Variants in CLDN2 observed in about 807,000 individuals in gnomAD.
CLDN2 encodes the protein claudin 2.
A neutral mutation model predicts 8.2 loss-of-function variants in CLDN2; 1 was observed. The ratio of observed to expected loss-of-function variants is 0.12; its 90% confidence interval spans 0.04 to 0.58. The LOEUF is 0.58. CLDN2 is among the 20% of genes least tolerant of loss of function. The pLI is 0.90. For synonymous variants in CLDN2, 70 were observed against 70.2 expected (o/e 1.00, Z 0.01); for missense variants, 108 against 172.9 (o/e 0.62, Z 2.11).
At chrX:106,907,786 C>G (rs1933200305) in intron 1 of CLDN2, among the ~76,000 whole-genome samples, 1 of 110,303 alleles carries the variant, frequency 9.1e-6, no homozygotes, top group Non-Finnish European at 1.9e-5. Flanking sequence ...GCTGTTCCTA[C>G]TTTTTGGTAG....
intron 1 of CLDN2, among the ~76,000 whole-genome samples, chrX:106,927,379 C>G (rs1602462775): frequency 9.0e-6 from 1 of 111,163 alleles, no homozygotes; most frequent in Non-Finnish European, 1.9e-5. Context: ...AGTGCTCCCT[C>G]ATCATCCAAG....
chrX:106,911,120 T>C (rs1933242870), intron 1 of CLDN2, among the ~76,000 whole-genome samples: 1 of 111,949 alleles, frequency 8.9e-6, no homozygotes, highest in Admixed American at 9.4e-5. Flanking sequence ...CTCAATCTTT[T>C]ACCATGCAGG....
At chrX:106,908,817 T>G (rs751202446) in intron 1 of CLDN2, among the ~76,000 whole-genome samples, 11 of 111,656 alleles carry the variant, frequency 9.9e-5, no homozygotes, top group African/African-American at 3.6e-4. Flanking sequence ...ATGAATACAC[T>G]GATACCAAAT....
At chrX:106,903,192 A>G (rs1346708430) in intron 1 of CLDN2, 5 of 1,209,750 alleles carry the variant, frequency 4.1e-6, no homozygotes, top group Admixed American at 2.2e-5. Context: ...TTAACAGGCC[A>G]GGGAGTGCCA....
chrX:106,913,974 A>G (rs773955830), upstream of CLDN2, among the ~76,000 whole-genome samples: 158 of 83,693 alleles, frequency 1.9e-3, 3 homozygotes, highest in African/African-American at 7.5e-3. Context: ...TTTTTTTGAG[A>G]CAGGGTCTCG....
At chrX:106,903,005 G>A in intron 1 of CLDN2, 2 of 672,303 alleles carry the variant, frequency 3.0e-6, no homozygotes, top group Non-Finnish European at 4.6e-6. Context: ...AGTTGAGGAG[G>A]GAGGGCTATG....
chrX:106,911,870 G>T (rs1475811661), intron 1 of CLDN2, among the ~76,000 whole-genome samples: 5 of 111,837 alleles, frequency 4.5e-5, no homozygotes, highest in Admixed American at 2.8e-4. Flanking sequence ...GGGCTCTACG[G>T]TAGGGTGGCA....
intron 1 of CLDN2, among the ~76,000 whole-genome samples, chrX:106,926,669 T>C (rs1272180253): frequency 2.8e-5 from 3 of 107,255 alleles, no homozygotes; most frequent in Non-Finnish European, 5.8e-5. Context: ...TCAAGACCAG[T>C]GTGGGCAACA....
chrX:106,930,275 T>C lies in CLDN2; in HGVS notation c.*1354T>C, dbSNP rs897892712. On this transcript the variant is annotated 3_prime_UTR_variant, in exon 2 of 2. Transcript: ENST00000336803. Reference sequence around the variant, plus strand: ...GTGATAGCTGCACTGCTGCCTGGGATTGCAGCTGAGGTGGGAGTGGAGAAT... The same window carrying C: ...GTGATAGCTGCACTGCTGCCTGGGACTGCAGCTGAGGTGGGAGTGGAGAAT... The C allele has an allele frequency of 6.5e-5, 8 of 122,550 alleles. No homozygotes were observed. Among genetic ancestry groups the C allele is most frequent in the Non-Finnish European group, 1.3e-4 (7 of 53,139 alleles). 10.1% of individuals were successfully genotyped at this position (122,550 alleles called of 1,213,427 possible).
chrX:106,906,142 G>A (rs957054417), intron 1 of CLDN2, among the ~76,000 whole-genome samples: 1 of 111,692 alleles, frequency 9.0e-6, no homozygotes, highest in Non-Finnish European at 1.9e-5. Flanking sequence ...TGGTCAGCAG[G>A]GCAGCAGAAA....
At chrX:106,913,739 G>A (rs1240643652), upstream of CLDN2, among the ~76,000 whole-genome samples, 2 of 110,031 alleles carry the variant, frequency 1.8e-5, no homozygotes, top group East Asian at 2.9e-4. Context: ...CCCCTTCCAA[G>A]TTTACTCAGG....
Position 106,929,078 on chromosome X carries a change from T to C in CLDN2, c.*157T>C, listed in dbSNP as rs374633456. On this transcript the variant is annotated 3_prime_UTR_variant, in exon 2 of 2. Coordinates refer to ENST00000336803, the MANE Select transcript of CLDN2 (RefSeq NM_020384.4). The stretch of plus-strand genomic sequence containing the variant: ...CCATTGGATTGAGCAAAGGCAGAAA[T>C]GGGGGCTAGTGTAACAGCATGCAGG... 207 of 469,885 alleles carry C rather than the reference T, an allele frequency of 4.4e-4. 1 individual carries two copies. The East Asian group carries it at 6.2e-3, about 14-fold the overall frequency. The allele number at this position is 469,885 out of a possible 1,213,427, so 38.7% of individuals were successfully genotyped here.
chrX:106,928,193 G>T lies in CLDN2; in HGVS notation c.-36G>T. ...AGAGCTTCAGCCTGAAGACAAGGGA[G>T]CAGTCCCTGAAGACGCTTCTACTGA... On this transcript the variant is annotated 5_prime_UTR_variant, in exon 2 of 2. Transcript: ENST00000336803. The T allele has an allele frequency of 9.4e-7, 1 of 1,065,014 alleles. No homozygotes were observed. Among genetic ancestry groups the T allele is most frequent in the South Asian group, 2.0e-5 (1 of 49,508 alleles). The allele number at this position is 1,065,014 out of a possible 1,213,427, so 87.8% of individuals were successfully genotyped here.
In CLDN2 at chrX:106,927,929, T is replaced by G. The variant is rs1200618764; in HGVS notation, c.-178-122T>G. The G allele has an allele frequency of 3.1e-5, 4 of 127,950 alleles. 1 individual carries two copies. In the African/African-American group the frequency reaches 5.3e-4, roughly 17 times the overall value. The allele number at this position is 127,950 out of a possible 1,213,427, so 10.5% of individuals were successfully genotyped here. A position where few individuals can be genotyped will look rare whatever the true frequency, so the allele number is the denominator to read the frequency against. ...CATTTTGGCTCCACGTTCAAAGTTGTTTTTTTTTTCCTTTCTCATGTGTTA... is the reference window on the plus strand; with the variant it reads ...CATTTTGGCTCCACGTTCAAAGTTGGTTTTTTTTTCCTTTCTCATGTGTTA... On this transcript the variant is annotated intron_variant, in intron 1 of 1. Transcript: ENST00000336803.
Position 106,900,793 on chromosome X carries a change from C to T in CLDN2, c.-179+289C>T, listed in dbSNP as rs375066387. ...TCCTGCTCTTCATCTTCCTCTTCTT[C>T]TTCGCTGTCTGAGTCCTCGTATAGG... On this transcript the variant is annotated intron_variant, in intron 1 of 1. Transcript: ENST00000541806. The T allele has an allele frequency of 3.7e-5, 45 of 1,209,739 alleles. No individual in the cohort carries two copies. The highest frequency in any genetic ancestry group is 4.9e-5 in the Non-Finnish European group (44 of 895,068).
At chrX:106,923,423 T>C (rs958586510) in intron 1 of CLDN2, among the ~76,000 whole-genome samples, 3 of 112,320 alleles carry the variant, frequency 2.7e-5, no homozygotes, top group African/African-American at 9.7e-5. Context: ...TTGAGGTGTC[T>C]ATGAGATTTT....
At chrX:106,912,558 C>T (rs375162193) in intron 1 of CLDN2, among the ~76,000 whole-genome samples, 5 of 109,759 alleles carry the variant, frequency 4.6e-5, no homozygotes, top group African/African-American at 1.7e-4. Context: ...GGACTATAGG[C>T]TTGCGCCACC....
chrX:106,901,238 G>A (rs1933088472), intron 1 of CLDN2, among the ~76,000 whole-genome samples: 2 of 112,104 alleles, frequency 1.8e-5, no homozygotes, highest in Admixed American at 1.9e-4. Context: ...TCCTTCCACT[G>A]AGGATTATTT....
chrX:106,927,382 C>T (rs1933484006), intron 1 of CLDN2, among the ~76,000 whole-genome samples: 1 of 111,125 alleles, frequency 9.0e-6, no homozygotes, highest in Admixed American at 9.6e-5. Context: ...GCTCCCTCAT[C>T]ATCCAAGAGG....
Sources: gnomAD v4.1 joint callset for allele counts (sites outside exome capture counted in the v4.1 genomes callset) on GRCh38, gnomAD v4.1.1 for gene constraint, MANE v1.5 for transcripts, NCBI Gene and HGNC (gene_info 2026-07-23, HGNC 2026-07-21) for gene names.